Variants in PIWIL3 observed in about 807,000 individuals in gnomAD.
The protein encoded by PIWIL3 is piwi-like protein 3.
PIWIL3 carries 101 observed loss-of-function variants against 109.7 expected under a neutral mutation model. That is an observed-to-expected ratio of 0.92 (90% confidence interval 0.78 to 1.09). The LOEUF is 1.09. Among genes scored for constraint, PIWIL3 ranks in the 50% least tolerant of loss-of-function variants. The pLI is 0.00. For missense variants in PIWIL3, 1,031 were observed against 1,072.6 expected, an observed-to-expected ratio of 0.96 and a Z score of 0.54; for synonymous variants, 373 against 376.4, an observed-to-expected ratio of 0.99 and a Z score of 0.10.
At chr22:24,746,272 C>A (rs1924361492) in intron 12 of PIWIL3, among the ~76,000 whole-genome samples, 4 of 152,138 alleles carry the variant, frequency 2.6e-5, no homozygotes, top group African/African-American at 9.6e-5. Flanking sequence ...AAGGATGGTT[C>A]TATGTAGGCA....
In PIWIL3 at chr22:24,730,867, T is replaced by A. The variant is rs538825163; in HGVS notation, c.1708-2493A>T. ...ATATTAAATGCAAAGTGACTTTTTTTATTCTTGTAGCCTTAATACTAGATT... is the reference window on the plus strand; with the variant it reads ...ATATTAAATGCAAAGTGACTTTTTTAATTCTTGTAGCCTTAATACTAGATT... On this transcript the variant is annotated intron_variant, in intron 14 of 20. Coordinates refer to ENST00000616349, the MANE Select transcript of PIWIL3 (RefSeq NM_001255975.1). Among the ~76,000 whole-genome samples the A allele has an allele frequency of 7.9e-5, 12 of 152,364 alleles. No individual in the cohort carries two copies. The South Asian group carries it at 2.1e-3, about 26-fold the overall frequency.
At chr22:24,763,555 C>A (rs1925584749) in intron 1 of PIWIL3, among the ~76,000 whole-genome samples, 1 of 152,170 alleles carries the variant, frequency 6.6e-6, no homozygotes, top group African/African-American at 2.4e-5. Context: ...CCGCCTCAGC[C>A]TCCCAAAGTG....
At chr22:24,751,220 T>C (rs1399246951) in intron 9 of PIWIL3, among the ~76,000 whole-genome samples, 167 bp downstream of exon 9, 1 of 152,076 alleles carries the variant, frequency 6.6e-6, no homozygotes. Context: ...CATTACCCTA[T>C]ATACAAGGCA....
rs568258949 is a variant in PIWIL3 at position 24,727,446 on chromosome 22, C to A, written c.2009+504G>T. On this transcript the variant is annotated intron_variant, in intron 16 of 20. Transcript: ENST00000616349. ...TTGGAAGATGGAGAGGGGTTTGCTA[C>A]ATGAGAGTGATCAAGACTGGCCTGC... 1.1e-3 allele frequency among the ~76,000 whole-genome samples: 165 copies of A among 152,248 alleles called. No homozygotes were observed. The South Asian group carries it at 0.014, about 13-fold the overall frequency.
chr22:24,723,006 AC>A, intron 19 of PIWIL3, 123 bp downstream of exon 19: 2 of 1,132,154 alleles, frequency 1.8e-6, no homozygotes, highest in Non-Finnish European at 2.5e-6. Context: ...AAAAAAACAG[AC>A]CAAATTAGTT....
intron 12 of PIWIL3, among the ~76,000 whole-genome samples, chr22:24,740,327 T>C (rs1923925643): frequency 1.3e-5 from 2 of 150,618 alleles, no homozygotes; most frequent in Non-Finnish European, 3.0e-5. Flanking sequence ...GGCGGGTGGA[T>C]CACAAGGTCA....
chr22:24,760,905 G>T (rs1043245506), intron 2 of PIWIL3, among the ~76,000 whole-genome samples: 1 of 151,750 alleles, frequency 6.6e-6, no homozygotes, highest in African/African-American at 2.4e-5. Flanking sequence ...GATGTGAGCT[G>T]TTTGGGCCAG....
At chr22:24,749,647 T>G in intron 10 of PIWIL3, 46 bp downstream of exon 10, 1 of 1,613,816 alleles carries the variant, frequency 6.2e-7, no homozygotes, top group Non-Finnish European at 8.5e-7. Context: ...CTGCGTTAAG[T>G]CGTAATTATA....
Position 24,749,675 on chromosome 22 carries a change from G to A in PIWIL3, c.1216+18C>T, listed in dbSNP as rs1299361324. ...TAATTATACCTGACTTTAAAGAGGGGCTGTAATCCATCAGTACCTGTCATG... is the reference window on the plus strand; with the variant it reads ...TAATTATACCTGACTTTAAAGAGGGACTGTAATCCATCAGTACCTGTCATG... On this transcript the variant is annotated intron_variant, in intron 10 of 20. Coordinates refer to ENST00000616349, the MANE Select transcript of PIWIL3 (RefSeq NM_001255975.1). 6.2e-7 allele frequency: 1 copy of A among 1,614,182 alleles called. No homozygotes were observed. Among genetic ancestry groups the A allele is most frequent in the Non-Finnish European group, 8.5e-7 (1 of 1,180,028 alleles).
intron 12 of PIWIL3, among the ~76,000 whole-genome samples, chr22:24,740,273 G>A (rs1188104496): frequency 6.9e-6 from 1 of 145,122 alleles, no homozygotes; most frequent in African/African-American, 2.5e-5. Context: ...GGGAGGCTGG[G>A]CACAATGGCC....
At chr22:24,764,341 C>T (rs958248279) in intron 1 of PIWIL3, among the ~76,000 whole-genome samples, 9 of 152,314 alleles carry the variant, frequency 5.9e-5, no homozygotes, top group African/African-American at 1.7e-4. Flanking sequence ...TCTTACAAAA[C>T]GATGTGCACT....
At chr22:24,744,178 T>TTAAAAAACAAAAAAAAAAAAAAAAAAA (rs1924180538) in intron 12 of PIWIL3, among the ~76,000 whole-genome samples, 1 of 34,304 alleles carries the variant, frequency 2.9e-5, no homozygotes, top group Non-Finnish European at 5.7e-5. Flanking sequence ...GTGACCGAAT[T>TTAAAAAACAAAAAAAAAAAAAAAAAAA]AAAAAAAAAA....
At chr22:24,723,968 A>G (rs5996753) in intron 18 of PIWIL3, among the ~76,000 whole-genome samples, 105,456 of 152,024 alleles carry the variant, frequency 0.69, 36,981 homozygotes, top group East Asian at 0.82. Context: ...GTGAGCCACC[A>G]CGCCAGGCCA....
chr22:24,763,873 G>A (rs1217673387), intron 1 of PIWIL3, among the ~76,000 whole-genome samples: 1 of 151,192 alleles, frequency 6.6e-6, no homozygotes, highest in Admixed American at 6.6e-5. Context: ...CCTGCCCTCC[G>A]TCCACAAGAA....
rs544550876 is a variant in PIWIL3 at position 24,728,511 on chromosome 22, G to C, written c.1708-137C>G. The C allele has an allele frequency of 5.5e-4, 494 of 897,774 alleles. 1 individual carries two copies. Among genetic ancestry groups the C allele is most frequent in the Middle Eastern group, 4.4e-3 (20 of 4,514 alleles). The allele number at this position is 897,774 out of a possible 1,614,324, so 55.6% of individuals were successfully genotyped here. On this transcript the variant is annotated intron_variant, in intron 14 of 20. Coordinates refer to ENST00000616349, the MANE Select transcript of PIWIL3 (RefSeq NM_001255975.1). ...TTATTAAGAAAATATATGAGCCCAA[G>C]AGGGCGAAGGGTCTAGAGCCATGTT...
At chr22:24,772,729 T>C (rs1195756789) in intron 1 of PIWIL3, among the ~76,000 whole-genome samples, 1 of 150,910 alleles carries the variant, frequency 6.6e-6, no homozygotes, top group Non-Finnish European at 1.5e-5. Context: ...CTTAGGTGGG[T>C]GCACAGCAGC....
intron 18 of PIWIL3, among the ~76,000 whole-genome samples, chr22:24,723,471 G>A (rs1257306129): frequency 6.6e-6 from 1 of 152,130 alleles, no homozygotes; most frequent in Non-Finnish European, 1.5e-5. Context: ...CAGGGGAAGG[G>A]TCCCTTCCTC....
In PIWIL3 at chr22:24,755,746, C is replaced by T. The variant is rs367762637; in HGVS notation, c.692+38G>A. ...CCACACCACTACACAGTAAAACAAC[C>T]GAATGAGTATCAAAGAAACTCAACC... On this transcript the variant is annotated intron_variant, in intron 6 of 20. Transcript: ENST00000616349. 13 of 1,611,328 alleles carry T rather than the reference C, an allele frequency of 8.1e-6. No homozygotes were observed. The South Asian group carries it at 9.9e-5, about 12-fold the overall frequency.
At chr22:24,760,357 G>A (rs951322296) in intron 2 of PIWIL3, among the ~76,000 whole-genome samples, 1 of 152,156 alleles carries the variant, frequency 6.6e-6, no homozygotes, top group African/African-American at 2.4e-5. Context: ...GGAAGAAAAA[G>A]AGCAGAGTTC....
Sources: gnomAD v4.1 joint callset for allele counts (sites outside exome capture counted in the v4.1 genomes callset) on GRCh38, gnomAD v4.1.1 for gene constraint, MANE v1.5 for transcripts, NCBI Gene and HGNC (gene_info 2026-07-23, HGNC 2026-07-21) for gene names.